The following AUTS2 variants were observed in gnomAD, a reference collection of about 807,000 sequenced individuals.
AUTS2 encodes activator of transcription and developmental regulator AUTS2.
AUTS2 carries 17 observed loss-of-function variants against 112.4 expected under a neutral mutation model. That is an observed-to-expected ratio of 0.15 (90% CI 0.10 to 0.23). AUTS2 has a LOEUF of 0.23. Ranked by LOEUF, AUTS2 falls within the 10% of genes least tolerant of loss-of-function variation. The pLI, the probability that AUTS2 is intolerant of heterozygous loss-of-function variation, is 1.00. For missense variants in AUTS2, 1,510 were observed against 1,701.6 expected (o/e 0.89, Z 1.98); for synonymous variants, 751 against 702.7 (o/e 1.07, Z -1.09).
chr7:70,391,157 C>T (rs1055261122), intron 4 of AUTS2, among the ~76,000 whole-genome samples: 1 of 152,274 alleles, frequency 6.6e-6, no homozygotes, highest in East Asian at 1.9e-4. Context: ...CTTCTTACAG[C>T]GCCTCAGTAA....
chr7:69,647,104 A>G (rs1290541058), intron 1 of AUTS2, among the ~76,000 whole-genome samples: 1 of 152,090 alleles, frequency 6.6e-6, no homozygotes, highest in Non-Finnish European at 1.5e-5. Flanking sequence ...AACAAAACAA[A>G]AAACAAAAAC....
intron 6 of AUTS2, among the ~76,000 whole-genome samples, chr7:70,748,498 A>G (rs1434458191): frequency 6.6e-6 from 1 of 152,268 alleles, no homozygotes; most frequent in Non-Finnish European, 1.5e-5. Flanking sequence ...GTTCCTAAAG[A>G]TTATTATAGA....
At chr7:70,685,258 A>C (rs1808409579) in intron 5 of AUTS2, among the ~76,000 whole-genome samples, 1 of 152,020 alleles carries the variant, frequency 6.6e-6, no homozygotes, top group Non-Finnish European at 1.5e-5. Flanking sequence ...GGATCACTTG[A>C]GGTCGGGAGT....
intron 4 of AUTS2, among the ~76,000 whole-genome samples, chr7:70,321,598 C>T (rs1195857936): frequency 1.3e-5 from 2 of 152,182 alleles, no homozygotes; most frequent in Non-Finnish European, 2.9e-5. Flanking sequence ...ACTCCCCTCT[C>T]CTCCCTCCCA....
intron 5 of AUTS2, among the ~76,000 whole-genome samples, chr7:70,446,642 G>C (rs183568379): frequency 2.6e-5 from 4 of 152,306 alleles, no homozygotes; most frequent in South Asian, 4.1e-4. Flanking sequence ...ACCTCTGCAG[G>C]CATCTGGGAT....
At chr7:70,217,834 A>G (rs1320828215) in intron 4 of AUTS2, among the ~76,000 whole-genome samples, 1 of 152,258 alleles carries the variant, frequency 6.6e-6, no homozygotes, top group Non-Finnish European at 1.5e-5. Context: ...TTATGGCAGA[A>G]GAAAGGCCAT....
intron 4 of AUTS2, among the ~76,000 whole-genome samples, chr7:70,432,247 C>G (rs910952231): frequency 6.6e-6 from 1 of 152,154 alleles, no homozygotes; most frequent in African/African-American, 2.4e-5. Context: ...TCTGACATGC[C>G]TTTTCCATTT....
chr7:70,195,456 G>A (rs1810123012), intron 4 of AUTS2, among the ~76,000 whole-genome samples: 1 of 152,094 alleles, frequency 6.6e-6, no homozygotes, highest in African/African-American at 2.4e-5. Flanking sequence ...AGACCAGCCT[G>A]GCCAACATGG....
In AUTS2 at chr7:70,790,864, G is replaced by A. The variant is rs138688527; in HGVS notation, c.3648G>A (p.Ala1216=). The A allele has an allele frequency of 1.0e-5, 16 of 1,605,952 alleles. No individual in the cohort carries two copies. The highest frequency in any genetic ancestry group is 6.7e-5 in the Admixed American group (4 of 59,406). ...TCAACAAGACCCCTCCGACAGCAGC[G>A]CTGAGCGCACCTCCCCCGCTCATCT... ...GLLNKTPPTA[A]LSAPPPLIST... The change falls in exon 19 of 19, where the codon GCG becomes GCA. Residue 1216 remains alanine (A), a synonymous_variant. Transcript: ENST00000342771. This position sits in a 1 kb window ranked among gnomAD's most constrained non-coding sequence, Gnocchi z 7.6.
intron 1 of AUTS2, among the ~76,000 whole-genome samples, chr7:69,807,575 AT>A (rs928537952): frequency 6.6e-6 from 1 of 151,160 alleles, no homozygotes; most frequent in African/African-American, 2.4e-5. Context: ...CTTAGTGTAA[AT>A]TTTTTTTTAG....
chr7:69,782,680 T>TA (rs34937862), intron 1 of AUTS2, among the ~76,000 whole-genome samples: 47 of 148,640 alleles, frequency 3.2e-4, no homozygotes, highest in South Asian at 6.4e-4. Flanking sequence ...AATCTACCAT[T>TA]AAAAAAAAAA....
chr7:69,712,431 GATTA>G (rs10603935), intron 1 of AUTS2, among the ~76,000 whole-genome samples: 92,399 of 151,032 alleles, frequency 0.61, 28,497 homozygotes, highest in East Asian at 0.7. Flanking sequence ...TATCATTGTA[GATTA>G]ATTGACACTT....
chr7:70,447,709 T>C (rs1796372638), intron 5 of AUTS2, among the ~76,000 whole-genome samples: 1 of 152,220 alleles, frequency 6.6e-6, no homozygotes, highest in Non-Finnish European at 1.5e-5. Context: ...AAAACTGTAA[T>C]ACGTTGGAAT....
chr7:69,927,378 A>G (rs75228896), intron 2 of AUTS2, among the ~76,000 whole-genome samples: 7,817 of 152,018 alleles, frequency 0.051, 286 homozygotes, highest in East Asian at 0.13. Context: ...TAAAAAGGCT[A>G]CAAAACATTG....
intron 1 of AUTS2, among the ~76,000 whole-genome samples, chr7:69,692,121 G>A (rs953848910): frequency 2.0e-5 from 3 of 152,272 alleles, no homozygotes; most frequent in South Asian, 2.1e-4. Flanking sequence ...GCCAGTGGGC[G>A]TTTGGCCCAC....
intron 2 of AUTS2, among the ~76,000 whole-genome samples, chr7:69,900,612 G>C (rs1184492804): frequency 6.6e-6 from 1 of 152,190 alleles, no homozygotes; most frequent in Non-Finnish European, 1.5e-5. Flanking sequence ...AGAATCAAGA[G>C]TGTATTTGGG....
intron 1 of AUTS2, among the ~76,000 whole-genome samples, chr7:69,827,375 C>A (rs1052770473): frequency 6.6e-6 from 1 of 152,058 alleles, no homozygotes; most frequent in African/African-American, 2.4e-5. Context: ...GCGCAGCACA[C>A]TTACCTCCAT....
At chr7:70,611,470 C>T (rs1406201994) in intron 5 of AUTS2, among the ~76,000 whole-genome samples, 2 of 152,180 alleles carry the variant, frequency 1.3e-5, no homozygotes, top group African/African-American at 2.4e-5. Context: ...TTATAGAGTG[C>T]CATGCCAGCC....
chr7:70,095,281 TGCGCTCACGTGTGCGTGTGC>T (rs1361257335), intron 2 of AUTS2, among the ~76,000 whole-genome samples: 1 of 152,150 alleles, frequency 6.6e-6, no homozygotes, highest in African/African-American at 2.4e-5. Flanking sequence ...TGTGCGTGCG[TGCGCTCACGTGTGCGTGTGC>T]AGTATTTGCA....
Sources: gnomAD v4.1 joint callset for allele counts (sites outside exome capture counted in the v4.1 genomes callset) on GRCh38, gnomAD v4.1.1 for gene constraint, Gnocchi (gnomAD v3.1) non-coding constraint, MANE v1.5 for transcripts, NCBI Gene and HGNC (gene_info 2026-07-23, HGNC 2026-07-21) for gene names.